Variants in ATG10 observed in about 807,000 individuals in gnomAD.
ATG10 encodes the protein autophagy related 10.
ATG10 carries 30 observed loss-of-function variants against 32.1 expected under a neutral mutation model. That is an observed-to-expected ratio of 0.94 (90% CI 0.70 to 1.27). The LOEUF is 1.27. ATG10 is among the 50% of genes most tolerant of loss of function. The pLI is 0.00. For synonymous variants in ATG10, 87 were observed against 91.5 expected, an observed-to-expected ratio of 0.95 and a Z score of 0.28; for missense variants, 233 against 262.3, an observed-to-expected ratio of 0.89 and a Z score of 0.77.
At chr5:82,069,975 G>A (rs943609156) in intron 3 of ATG10, among the ~76,000 whole-genome samples, 4 of 152,146 alleles carry the variant, frequency 2.6e-5, no homozygotes, top group Non-Finnish European at 4.4e-5. Flanking sequence ...CTTCCATATG[G>A]TGCCTGCGAA....
chr5:82,069,172 C>T (rs1195229139), intron 3 of ATG10, among the ~76,000 whole-genome samples: 1 of 152,096 alleles, frequency 6.6e-6, no homozygotes, highest in African/African-American at 2.4e-5. Flanking sequence ...ACAATCTTCT[C>T]ATATATCCTA....
chr5:82,089,263 A>G (rs895850837), intron 3 of ATG10, among the ~76,000 whole-genome samples: 5 of 151,876 alleles, frequency 3.3e-5, no homozygotes, highest in African/African-American at 1.2e-4. Flanking sequence ...AATCACTTGA[A>G]CCCAGGAGGC....
chr5:82,140,130 C>T (rs1439409087), intron 3 of ATG10, among the ~76,000 whole-genome samples: 4 of 122,414 alleles, frequency 3.3e-5, no homozygotes, highest in Non-Finnish European at 7.0e-5. Context: ...CTCTGCCCGG[C>T]CGCCCCTTCT....
intron 4 of ATG10, among the ~76,000 whole-genome samples, chr5:82,170,593 C>T (rs1743765120): frequency 6.6e-6 from 1 of 152,164 alleles, no homozygotes; most frequent in South Asian, 2.1e-4. Flanking sequence ...ATACAAATTA[C>T]TGAGTATTAA....
intron 2 of ATG10, among the ~76,000 whole-genome samples, chr5:82,022,479 C>T (rs1477743219): frequency 6.6e-6 from 1 of 151,392 alleles, no homozygotes. Flanking sequence ...CAGGTACCCA[C>T]AATGCCCGTC....
At chr5:82,137,471 C>A (rs547913685) in intron 3 of ATG10, among the ~76,000 whole-genome samples, 1 of 152,198 alleles carries the variant, frequency 6.6e-6, no homozygotes. Context: ...CAGTCAAGCC[C>A]GTCTGCTGTA....
intron 5 of ATG10, among the ~76,000 whole-genome samples, chr5:82,195,854 A>G (rs772099644): frequency 6.6e-5 from 10 of 152,164 alleles, no homozygotes; most frequent in Non-Finnish European, 1.3e-4. Flanking sequence ...TTTGTGTACA[A>G]GTTTTTATAT....
intron 3 of ATG10, among the ~76,000 whole-genome samples, chr5:82,108,259 C>T (rs1765501036): frequency 6.6e-6 from 1 of 151,876 alleles, no homozygotes; most frequent in African/African-American, 2.4e-5. Flanking sequence ...ATTATATCAT[C>T]GTGGATAATA....
chr5:81,993,364 T>TTTCCTTC lies in ATG10; in HGVS notation c.108+5688_108+5689insCCTTCTT, dbSNP rs374179266. ...CTTTCTTTCTTTCTTTCTTTCCTTC[T>TTTCCTTC]TTTCTTTTCTTTTCTTTTCTTTTCT... On this transcript the variant is annotated intron_variant, in intron 2 of 7. Coordinates refer to ENST00000282185, the MANE Select transcript of ATG10 (RefSeq NM_031482.5). Among the ~76,000 whole-genome samples the TTTCCTTC allele has an allele frequency of 2.9e-4, 10 of 34,182 alleles. No homozygotes were observed. The East Asian group carries it at 3.0e-3, about 10-fold the overall frequency. 22.4% of individuals were successfully genotyped at this position (34,182 alleles called of 152,430 possible).
At chr5:82,049,564 A>T (rs955333865) in intron 2 of ATG10, among the ~76,000 whole-genome samples, 8 of 152,072 alleles carry the variant, frequency 5.3e-5, no homozygotes, top group Non-Finnish European at 7.4e-5. Flanking sequence ...AATAAATAAA[A>T]AAAAAAAGAA....
Position 82,239,959 on chromosome 5 carries a change from C to T in ATG10, c.454-12603C>T, listed in dbSNP as rs114033785. 7.0e-3 allele frequency among the ~76,000 whole-genome samples: 1,063 copies of T among 152,052 alleles called. 3 individuals are homozygous for T. Among genetic ancestry groups the T allele is most frequent in the Non-Finnish European group, 0.011 (770 of 67,984 alleles). ...ATCCTCAGGGAAATACAAATCAAAA[C>T]CACAATGAAATATCGTCTCACTCCA... is the stretch of plus-strand genomic sequence containing the variant. On this transcript the variant is annotated intron_variant, in intron 5 of 7. Transcript: ENST00000282185.
chr5:82,010,057 C>G, intron 2 of ATG10: 1 of 1,610,760 alleles, frequency 6.2e-7, no homozygotes, highest in Middle Eastern at 1.7e-4. Context: ...GGCTCGCCAT[C>G]GACGGCAATG....
chr5:81,983,012 T>G (rs1441727905), intron 1 of ATG10, among the ~76,000 whole-genome samples: 13 of 152,356 alleles, frequency 8.5e-5, no homozygotes, highest in African/African-American at 3.1e-4. Flanking sequence ...CTTTCCCCCC[T>G]TTCTATTCCA....
intron 5 of ATG10, among the ~76,000 whole-genome samples, chr5:82,219,890 T>C (rs986309500): frequency 2.0e-5 from 3 of 152,250 alleles, no homozygotes; most frequent in Middle Eastern, 3.2e-3. Context: ...GCAGTTGTTA[T>C]GGTTAGTGCT....
At chr5:82,106,871 G>T (rs1765458851) in intron 3 of ATG10, among the ~76,000 whole-genome samples, 1 of 151,916 alleles carries the variant, frequency 6.6e-6, no homozygotes, top group African/African-American at 2.4e-5. Flanking sequence ...GGGGCAATTT[G>T]AGCAGTCAGT....
chr5:82,128,097 A>T (rs1040668469), intron 3 of ATG10, among the ~76,000 whole-genome samples: 1 of 152,036 alleles, frequency 6.6e-6, no homozygotes, highest in African/African-American at 2.4e-5. Flanking sequence ...AGAGACTAGA[A>T]TTGCAACCCC....
intron 3 of ATG10, among the ~76,000 whole-genome samples, chr5:82,078,269 G>A (rs2149777330): frequency 6.6e-6 from 1 of 152,288 alleles, no homozygotes; most frequent in African/African-American, 2.4e-5. Flanking sequence ...CCAGAAGTCT[G>A]AGAAGATAAA....
chr5:82,073,393 G>C (rs1764184913), intron 3 of ATG10: 1 of 152,128 alleles, frequency 6.6e-6, no homozygotes, highest in Admixed American at 6.6e-5. Context: ...TCAGCAGAAG[G>C]GATTTGGAAG....
At chr5:81,983,127 C>T (rs1181972217) in intron 1 of ATG10, among the ~76,000 whole-genome samples, 6 of 151,684 alleles carry the variant, frequency 4.0e-5, no homozygotes, top group East Asian at 3.9e-4. Flanking sequence ...CCAGTAGGGG[C>T]GGCCGGACAG....
Sources: allele counts gnomAD v4.1 joint callset (sites outside exome capture counted in the v4.1 genomes callset), GRCh38; gene constraint gnomAD v4.1.1; transcripts MANE v1.5; gene names NCBI Gene and HGNC (gene_info 2026-07-23, HGNC 2026-07-21).